SPMAP2L: variants seen among roughly 807,000 people sequenced by gnomAD.
SPMAP2L encodes sperm microtubule associated protein 2 like.
At chr4:56,624,323 A>C in the SPMAP2L span, among the ~76,000 whole-genome samples, 1 of 152,230 alleles carries the variant, frequency 6.6e-6, no homozygotes, top group Admixed American at 6.5e-5. Flanking sequence ...GAAAAAAAGA[A>C]CATGAGGGTT....
the SPMAP2L span, chr4:56,531,088 T>C: frequency 6.5e-6 from 10 of 1,535,086 alleles, no homozygotes; most frequent in East Asian, 2.2e-4. Flanking sequence ...GGAAACCGAG[T>C]TGCTTCCCAG....
the SPMAP2L span, chr4:56,584,500 C>A: frequency 1.3e-6 from 2 of 1,531,750 alleles, no homozygotes; most frequent in South Asian, 2.4e-5. Context: ...CATATAGACC[C>A]TTCAGTGATA....
chr4:56,593,114 G>A, the SPMAP2L span: 70 of 1,579,146 alleles, frequency 4.4e-5, 1 homozygote, highest in South Asian at 7.7e-4. Context: ...GAACTTACTG[G>A]AGAACTCAGG....
At chr4:56,594,699 T>C in the SPMAP2L span, 1 of 1,346,510 alleles carries the variant, frequency 7.4e-7, no homozygotes, top group Non-Finnish European at 1.1e-6. Flanking sequence ...GCAGTTCACC[T>C]CAAGGCCATG....
At chr4:56,593,558 A>G in the SPMAP2L span, 4 of 1,602,030 alleles carry the variant, frequency 2.5e-6, no homozygotes, top group Non-Finnish European at 3.4e-6. Flanking sequence ...AGCTTTGTGC[A>G]TCTTGAGGCC....
At chr4:56,531,167 G>A in the SPMAP2L span, 4 of 1,527,108 alleles carry the variant, frequency 2.6e-6, no homozygotes, top group African/African-American at 2.7e-5. Flanking sequence ...TCTTTCCTGG[G>A]TGGTAGGTGT....
the SPMAP2L span, among the ~76,000 whole-genome samples, chr4:56,538,531 G>A: frequency 3.3e-5 from 5 of 152,108 alleles, no homozygotes; most frequent in Admixed American, 2.6e-4. Context: ...ATTTTAGGCC[G>A]GGCATGGTGG....
chr4:56,594,226 A>AGT, the SPMAP2L span: 1 of 1,605,480 alleles, frequency 6.2e-7, no homozygotes, highest in Non-Finnish European at 8.5e-7. Flanking sequence ...TCACCCATCA[A>AGT]GTGTTCAACA....
the SPMAP2L span, among the ~76,000 whole-genome samples, chr4:56,620,511 G>A: frequency 6.3e-3 from 949 of 151,690 alleles, 8 homozygotes; most frequent in African/African-American, 0.021. Context: ...CTCACTGCCC[G>A]AGTAGCTGGG....
the SPMAP2L span, among the ~76,000 whole-genome samples, chr4:56,612,377 T>G: frequency 1.7e-3 from 263 of 152,312 alleles, no homozygotes; most frequent in East Asian, 0.024. Context: ...TTTCTCACTC[T>G]GTTGCCCAGG....
chr4:56,574,453 ATAT>A, the SPMAP2L span, among the ~76,000 whole-genome samples: 3 of 152,156 alleles, frequency 2.0e-5, no homozygotes, highest in African/African-American at 7.2e-5. Flanking sequence ...AAGAAGAACA[ATAT>A]TATTACTTAT....
chr4:56,604,848 T>C, the SPMAP2L span, among the ~76,000 whole-genome samples: 1 of 152,128 alleles, frequency 6.6e-6, no homozygotes, highest in Non-Finnish European at 1.5e-5. Flanking sequence ...TAATGGCATT[T>C]GCAGCAACTT....
the SPMAP2L span, among the ~76,000 whole-genome samples, chr4:56,544,177 T>G: frequency 6.6e-6 from 1 of 151,938 alleles, no homozygotes; most frequent in Non-Finnish European, 1.5e-5. Context: ...TTTGTAGAGA[T>G]GGAATTTCAC....
chr4:56,554,401 A>G, the SPMAP2L span, among the ~76,000 whole-genome samples: 1 of 152,148 alleles, frequency 6.6e-6, no homozygotes, highest in African/African-American at 2.4e-5. Flanking sequence ...GTGGTATCTC[A>G]TTGTTTTAAT....
chr4:56,537,888 T>A, the SPMAP2L span, among the ~76,000 whole-genome samples: 1 of 152,062 alleles, frequency 6.6e-6, no homozygotes, highest in South Asian at 2.1e-4. Context: ...AGAGACGGGG[T>A]TTCACCATGT....
chr4:56,553,789 C>T, the SPMAP2L span, among the ~76,000 whole-genome samples: 9 of 152,256 alleles, frequency 5.9e-5, no homozygotes, highest in Non-Finnish European at 1.2e-4. Context: ...TCATACAGGA[C>T]AGTTTCATCG....
the SPMAP2L span, among the ~76,000 whole-genome samples, chr4:56,614,268 A>G: frequency 2.6e-5 from 4 of 152,212 alleles, no homozygotes; most frequent in African/African-American, 9.6e-5. Flanking sequence ...ATAATCCTGG[A>G]GAAGAGTTTC....
chr4:56,543,650 A>G, the SPMAP2L span, among the ~76,000 whole-genome samples: 1 of 152,046 alleles, frequency 6.6e-6, no homozygotes, highest in Admixed American at 6.5e-5. Context: ...CAATTGCGCC[A>G]CTGCACTCCA....
At chr4:56,604,340 T>C in the SPMAP2L span, among the ~76,000 whole-genome samples, 3 of 152,172 alleles carry the variant, frequency 2.0e-5, no homozygotes, top group East Asian at 3.9e-4. Context: ...ATAAAGTATA[T>C]ATTTGAAACA....
Sources: allele counts gnomAD v4.1 joint callset (sites outside exome capture counted in the v4.1 genomes callset), GRCh38; gene constraint gnomAD v4.1.1; transcripts MANE v1.5; gene names NCBI Gene and HGNC (gene_info 2026-07-23, HGNC 2026-07-21).